The following LMLN variants were observed in gnomAD, a reference collection of about 807,000 sequenced individuals.
LMLN encodes the protein leishmanolysin like peptidase.
In LMLN, 70 loss-of-function variants were observed where a neutral mutation model predicts 92.3. That is an observed-to-expected ratio of 0.76 (90% CI 0.63 to 0.92). The LOEUF is 0.92. LMLN is among the 40% of genes least tolerant of loss of function. The probability of loss-of-function intolerance (pLI) is 0.00; values close to 1 mark genes in which losing one functional copy is unlikely to be tolerated. For missense variants in LMLN, 691 were observed against 814.6 expected (o/e 0.85, Z 1.85); for synonymous variants, 308 against 296.2 (o/e 1.04, Z -0.41).
chr3:197,980,693 C>A (rs1313732500), intron 6 of LMLN, 189 bp downstream of exon 6: 2 of 458,792 alleles, frequency 4.4e-6, no homozygotes, highest in Non-Finnish European at 7.6e-6. Flanking sequence ...AATGTGATAA[C>A]CCAAGTTTTT....
At chr3:198,003,254 C>A in intron 11 of LMLN, 129 bp downstream of exon 12, 1 of 558,646 alleles carries the variant, frequency 1.8e-6, no homozygotes, top group Non-Finnish European at 3.1e-6. Flanking sequence ...ATATAGAAAA[C>A]CATCTATAGA....
chr3:198,015,055 A>G (rs1182715935), intron 11 of LMLN, among the ~76,000 whole-genome samples: 1 of 147,438 alleles, frequency 6.8e-6, no homozygotes, highest in Non-Finnish European at 1.5e-5. Context: ...ACTTCTCTCC[A>G]CCCTTCAGAG....
intron 15 of LMLN, among the ~76,000 whole-genome samples, chr3:198,037,296 C>G (rs1318831118): frequency 6.6e-6 from 1 of 152,228 alleles, no homozygotes; most frequent in African/African-American, 2.4e-5. Flanking sequence ...CTAAAGATAG[C>G]AGTTTCAGGC....
chr3:197,986,909 G>A (rs1432590549), intron 8 of LMLN, among the ~76,000 whole-genome samples: 1 of 145,986 alleles, frequency 6.8e-6, no homozygotes, highest in Non-Finnish European at 1.5e-5. Flanking sequence ...GTGTGATCTC[G>A]GCTCACTGCA....
exon 8 of LMLN, chr3:197,985,813 G>T: frequency 6.2e-7 from 1 of 1,613,172 alleles, no homozygotes; most frequent in African/African-American, 1.3e-5. Context: ...CTGCTGGGCT[G>T]TTTGCATTCT....
intron 7 of LMLN, among the ~76,000 whole-genome samples, chr3:197,984,946 G>GTAATCAA: frequency 6.6e-6 from 1 of 152,028 alleles, no homozygotes; most frequent in Non-Finnish European, 1.5e-5. Flanking sequence ...CCAAAGTGCT[G>GTAATCAA]GGATTACAGG....
At chr3:197,997,459 C>T (rs1268784618) in intron 10 of LMLN, among the ~76,000 whole-genome samples, 1 of 152,192 alleles carries the variant, frequency 6.6e-6, no homozygotes, top group Non-Finnish European at 1.5e-5. Flanking sequence ...CCTTCAACAT[C>T]AGCAGCAATA....
At chr3:197,988,059 T>C (rs915573873) in intron 8 of LMLN, among the ~76,000 whole-genome samples, 14 of 152,156 alleles carry the variant, frequency 9.2e-5, no homozygotes, top group Admixed American at 7.9e-4. Flanking sequence ...TCATGCTTAT[T>C]ATAAATATTT....
chr3:198,003,119 G>A lies in LMLN; in HGVS notation c.1232+3777G>A, dbSNP rs534520400. 8.1e-5 allele frequency: 125 copies of A among 1,534,732 alleles called. 5 individuals carry two copies. In the South Asian group the frequency reaches 1.5e-3, roughly 18 times the overall value. On this transcript the variant is annotated intron_variant, in intron 11 of 15. Transcript: ENST00000330198. The stretch of plus-strand genomic sequence containing the variant: ...TGTAAATTCTGGATTGATCAGCAGA[G>A]ACAAAAGTAAGAATGCATTTCCTCA...
At chr3:198,041,469 A>G (rs1214516042) in exon 16 of LMLN, 1 of 152,228 alleles carries the variant, frequency 6.6e-6, no homozygotes, top group African/African-American at 2.4e-5. Context: ...GTAGTTATAT[A>G]TGAAACATGA....
At chr3:198,036,500 C>T (rs535514933) in intron 15 of LMLN, among the ~76,000 whole-genome samples, 2 of 152,050 alleles carry the variant, frequency 1.3e-5, no homozygotes, top group Non-Finnish European at 2.9e-5. Context: ...TGCAATAACA[C>T]ACATGCGAAA....
At chr3:198,032,660 A>T (rs577461177) in intron 14 of LMLN, among the ~76,000 whole-genome samples, 2 of 151,964 alleles carry the variant, frequency 1.3e-5, no homozygotes, top group African/African-American at 4.8e-5. Context: ...GAGAGGAGGG[A>T]GCTCCCGACC....
chr3:197,985,024 A>T (rs1161170596), intron 7 of LMLN, among the ~76,000 whole-genome samples: 1 of 152,150 alleles, frequency 6.6e-6, no homozygotes, highest in Admixed American at 6.6e-5. Context: ...TTATAGGGAG[A>T]AAGTAGTAAT....
At chr3:198,016,180 C>A (rs933705204) in intron 11 of LMLN, among the ~76,000 whole-genome samples, 7 of 147,566 alleles carry the variant, frequency 4.7e-5, no homozygotes, top group African/African-American at 1.5e-4. Flanking sequence ...GACAGCAAGA[C>A]CCTGTTGCAA....
rs560751154 is a variant in LMLN, at chr3:198,005,696, G to A, written c.1232+6354G>A. On this transcript the variant is annotated intron_variant, in intron 11 of 15. Transcript: ENST00000330198. The stretch of plus-strand genomic sequence containing the variant: ...GTTGCCCAGGCTGGAGTGCAGTGGC[G>A]CAGTCTCAGCTCACTGCAACCTCTA... Among the ~76,000 whole-genome samples the A allele has an allele frequency of 8.7e-5, 13 of 149,796 alleles. No homozygotes were observed. In the East Asian group the frequency reaches 1.6e-3, roughly 18 times the overall value.
Position 198,042,397 on chromosome 3 carries a change from A to G in LMLN, c.*3730A>G, listed in dbSNP as rs1021036718. ...GAGTGAGACTTTCTTGGGAAAAAAA[A>G]AAATGACAGTGAAGCAGACTTTTAG... On this transcript the variant is annotated 3_prime_UTR_variant, in exon 16 of 16. Coordinates refer to ENST00000330198, the Ensembl canonical transcript of LMLN. The surrounding 1 kb of genome is among the most constrained non-coding windows in gnomAD (Gnocchi z 4.2). The G allele has an allele frequency of 2.0e-5, 3 of 152,206 alleles. No homozygotes were observed. The highest frequency in any genetic ancestry group is 2.9e-5 in the Non-Finnish European group (2 of 68,040). The allele number at this position is 152,206 out of a possible 1,614,324, so 9.4% of individuals were successfully genotyped here. A position where few individuals can be genotyped will look rare whatever the true frequency, so the allele number is the denominator to read the frequency against.
At chr3:198,014,070 C>T (rs1269170464) in intron 11 of LMLN, among the ~76,000 whole-genome samples, 2 of 146,206 alleles carry the variant, frequency 1.4e-5, no homozygotes, top group South Asian at 2.2e-4. Flanking sequence ...TCAGAGCCTC[C>T]TAACTAGTCT....
At chr3:197,980,224 A>T in intron 5 of LMLN, 102 bp from the exon 6 acceptor site, 1 of 936,158 alleles carries the variant, frequency 1.1e-6, no homozygotes, top group Non-Finnish European at 1.6e-6. Flanking sequence ...AATAAAGATT[A>T]AATTGTACTG....
intron 11 of LMLN, among the ~76,000 whole-genome samples, chr3:198,016,172 C>G (rs1410366924): frequency 8.1e-6 from 1 of 124,122 alleles, no homozygotes; most frequent in Non-Finnish European, 1.6e-5. Flanking sequence ...GTGTGGGTGA[C>G]AGCAAGACCC....
Sources: allele counts gnomAD v4.1 joint callset (sites outside exome capture counted in the v4.1 genomes callset), GRCh38; gene constraint gnomAD v4.1.1; non-coding constraint Gnocchi (gnomAD v3.1); transcripts MANE v1.5; gene names NCBI Gene and HGNC (gene_info 2026-07-23, HGNC 2026-07-21).